The following OASL variants were observed in gnomAD, a reference collection of about 807,000 sequenced individuals.
The protein encoded by OASL is 2'-5'-oligoadenylate synthetase like, also known as 2'-5'-oligoadenylate synthase-like protein.
Under a neutral mutation model 35.3 loss-of-function variants are expected in OASL, and 28 were observed. The ratio of observed to expected loss-of-function variants is 0.79; its 90% CI spans 0.59 to 1.09. The LOEUF (loss-of-function observed/expected upper bound fraction) is 1.09, where lower values mean the gene tolerates loss of function less well. Ranked by LOEUF, OASL falls within the 50% of genes least tolerant of loss-of-function variation. The probability of loss-of-function intolerance (pLI) is 0.00; values close to 1 mark genes in which losing one functional copy is unlikely to be tolerated. For synonymous variants in OASL, 252 were observed against 254.6 expected (o/e 0.99, Z 0.10); for missense variants, 620 against 635.2 (o/e 0.98, Z 0.26).
intron 3 of OASL, among the ~76,000 whole-genome samples, chr12:121,028,790 C>T (rs1394698809): frequency 2.6e-5 from 4 of 152,100 alleles, no homozygotes; most frequent in Admixed American, 1.3e-4. Flanking sequence ...TGAGGCCGGG[C>T]GCAGTGCCTC....
chr12:121,023,034 C>A (rs1869311905), intron 5 of OASL, among the ~76,000 whole-genome samples: 1 of 152,180 alleles, frequency 6.6e-6, no homozygotes, highest in Non-Finnish European at 1.5e-5. Context: ...TCAACTGAGA[C>A]AGACCTTGGA....
intron 5 of OASL, among the ~76,000 whole-genome samples, chr12:121,022,614 T>A (rs2135901444): frequency 1.3e-5 from 2 of 152,362 alleles, no homozygotes; most frequent in South Asian, 4.1e-4. Flanking sequence ...CCCCCGTTTA[T>A]ACTCTATGTA....
At chr12:121,027,803 C>G in exon 4 of OASL, 1 of 1,613,778 alleles carries the variant, frequency 6.2e-7, no homozygotes, top group Non-Finnish European at 8.5e-7. Flanking sequence ...CTCTGGGGGA[C>G]CTGGCTTTCA....
At chr12:121,020,426 C>T (rs1439289977) in exon 6 of OASL, 12 of 962,164 alleles carry the variant, frequency 1.2e-5, no homozygotes, top group Admixed American at 5.0e-5. Context: ...TGAGCTACCA[C>T]GTCTGGCCTG....
intron 1 of OASL, among the ~76,000 whole-genome samples, chr12:121,037,911 G>A (rs1303730834): frequency 6.6e-6 from 1 of 152,080 alleles, no homozygotes; most frequent in Non-Finnish European, 1.5e-5. Flanking sequence ...GGCAACATTG[G>A]TGAAACCCTA....
intron 5 of OASL, among the ~76,000 whole-genome samples, chr12:121,023,518 G>A (rs1869340473): frequency 6.6e-6 from 1 of 152,040 alleles, no homozygotes; most frequent in Non-Finnish European, 1.5e-5. Context: ...TTGAACTCCT[G>A]ACCTCAAGTG....
At chr12:121,023,287 CTTTTTTTCTT>C (rs1357926417) in intron 5 of OASL, among the ~76,000 whole-genome samples, 4 of 123,264 alleles carry the variant, frequency 3.2e-5, no homozygotes, top group Non-Finnish European at 3.4e-5. Context: ...TTTTTTTTTT[CTTTTTTTCTT>C]TTTTTTTTGA....
At chr12:121,021,133 G>C (rs1325339839) in intron 5 of OASL, 75 bp from the exon 6 acceptor site, 1 of 1,427,332 alleles carries the variant, frequency 7.0e-7, no homozygotes, top group African/African-American at 1.4e-5. Flanking sequence ...CCCTTCATCT[G>C]TCCTTATCTT....
chr12:121,022,203 C>T (rs1869270919), intron 5 of OASL, among the ~76,000 whole-genome samples: 1 of 151,470 alleles, frequency 6.6e-6, no homozygotes, highest in Non-Finnish European at 1.5e-5. Flanking sequence ...TCTCCTGCCT[C>T]AGCCTCCCTA....
At chr12:121,022,558 A>G (rs1173256873) in intron 5 of OASL, among the ~76,000 whole-genome samples, 1 of 152,214 alleles carries the variant, frequency 6.6e-6, no homozygotes, top group Admixed American at 6.5e-5. Context: ...CCAGAGGCGT[A>G]TATTTTCCAG....
At chr12:121,020,801 C>T (rs763754973) in exon 6 of OASL, 2 of 1,614,128 alleles carry the variant, frequency 1.2e-6, no homozygotes, top group Admixed American at 3.3e-5. Flanking sequence ...TCACGAAGAC[C>T]TGGATCTCGG....
At chr12:121,018,621 C>A (rs1420912957), downstream of OASL, among the ~76,000 whole-genome samples, 1 of 151,980 alleles carries the variant, frequency 6.6e-6, no homozygotes. Flanking sequence ...GTAATCCCAG[C>A]ACTGTGGGAG....
intron 3 of OASL, among the ~76,000 whole-genome samples, chr12:121,031,212 C>T (rs1869715041): frequency 6.6e-6 from 1 of 151,808 alleles, no homozygotes; most frequent in African/African-American, 2.4e-5. Context: ...TGTAGAGCAC[C>T]TATTTTTCTC....
intron 4 of OASL, among the ~76,000 whole-genome samples, 194 bp downstream of exon 4, chr12:121,027,382 C>T (rs542222639): frequency 6.6e-6 from 1 of 152,350 alleles, no homozygotes; most frequent in South Asian, 2.1e-4. Context: ...CTTCTACCCG[C>T]CCCATGGCCC....
exon 6 of OASL, chr12:121,020,311 A>T: frequency 2.7e-6 from 1 of 367,120 alleles, no homozygotes; most frequent in Non-Finnish European, 5.0e-6. Context: ...TTATTTTTTT[A>T]TTTTGTAGAG....
chr12:121,033,426 AGT>A (rs1261673091), intron 2 of OASL, 33 bp downstream of exon 2: 2 of 1,595,188 alleles, frequency 1.3e-6, no homozygotes, highest in African/African-American at 2.7e-5. Flanking sequence ...GGGGTGGGCA[AGT>A]GTGTGAGTCG....
intron 2 of OASL, among the ~76,000 whole-genome samples, chr12:121,033,229 T>C (rs982951796): frequency 6.6e-6 from 1 of 152,058 alleles, no homozygotes; most frequent in Non-Finnish European, 1.5e-5. Context: ...CAGGCTGCAA[T>C]CATGTATTTA....
intron 1 of OASL, among the ~76,000 whole-genome samples, chr12:121,037,633 C>G (rs10849831): frequency 0.092 from 13,969 of 151,468 alleles, 1,085 homozygotes; most frequent in East Asian, 0.28. Context: ...ATTAGCCGGG[C>G]GTGGTGGTGG....
exon 6 of OASL, chr12:121,020,427 G>T: frequency 3.1e-6 from 3 of 967,146 alleles, no homozygotes; most frequent in Non-Finnish European, 4.6e-6. Flanking sequence ...GAGCTACCAC[G>T]TCTGGCCTGG....
Sources: allele counts gnomAD v4.1 joint callset (sites outside exome capture counted in the v4.1 genomes callset), GRCh38; gene constraint gnomAD v4.1.1; transcripts MANE v1.5; gene names NCBI Gene and HGNC (gene_info 2026-07-23, HGNC 2026-07-21).